ZMAT4: variants seen among roughly 807,000 people sequenced by gnomAD.
ZMAT4 encodes zinc finger matrin-type protein 4.
A neutral mutation model predicts 28.7 loss-of-function variants in ZMAT4; 17 were observed. The ratio of observed to expected loss-of-function variants is 0.59; its 90% CI spans 0.41 to 0.89. ZMAT4 has a LOEUF of 0.89. Among genes scored for constraint, ZMAT4 ranks in the 40% least tolerant of loss-of-function variants. The probability of loss-of-function intolerance (pLI) is 0.00; values close to 1 mark genes in which losing one functional copy is unlikely to be tolerated. For missense variants in ZMAT4, 240 were observed against 283.8 expected, an observed-to-expected ratio of 0.85 and a Z score of 1.11; for synonymous variants, 117 against 109.2, an observed-to-expected ratio of 1.07 and a Z score of -0.44.
intron 2 of ZMAT4, among the ~76,000 whole-genome samples, chr8:40,779,934 G>T (rs1813762772): frequency 6.6e-6 from 1 of 152,148 alleles, no homozygotes; most frequent in South Asian, 2.1e-4. Context: ...CATGAAGGAA[G>T]CCCACTTTTG....
At chr8:40,849,825 G>A (rs916292640) in intron 1 of ZMAT4, among the ~76,000 whole-genome samples, 1 of 152,134 alleles carries the variant, frequency 6.6e-6, no homozygotes. Context: ...CAGTTTATGT[G>A]CCTGGATATC....
At chr8:40,592,241 T>C (rs1804919270) in intron 5 of ZMAT4, among the ~76,000 whole-genome samples, 2 of 152,084 alleles carry the variant, frequency 1.3e-5, no homozygotes, top group African/African-American at 2.4e-5. Context: ...AAGGATAATA[T>C]TAGGAATGGG....
intron 2 of ZMAT4, among the ~76,000 whole-genome samples, chr8:40,775,949 G>A (rs1321970469): frequency 2.6e-5 from 4 of 152,186 alleles, no homozygotes; most frequent in Non-Finnish European, 5.9e-5. Flanking sequence ...GGCCATGTGA[G>A]GATACAGCAA....
intron 2 of ZMAT4, among the ~76,000 whole-genome samples, chr8:40,797,751 A>G (rs1047611274): frequency 1.3e-5 from 2 of 152,198 alleles, no homozygotes; most frequent in African/African-American, 4.8e-5. Flanking sequence ...AAATGTTGCC[A>G]CCAGTAAGCT....
chr8:40,654,746 A>T (rs961408628), intron 5 of ZMAT4, among the ~76,000 whole-genome samples: 1 of 152,184 alleles, frequency 6.6e-6, no homozygotes, highest in Non-Finnish European at 1.5e-5. Context: ...CATTTGACAC[A>T]GCACAACACC....
intron 2 of ZMAT4, among the ~76,000 whole-genome samples, chr8:40,803,418 A>G (rs1181990628): frequency 6.6e-6 from 1 of 152,196 alleles, no homozygotes; most frequent in Non-Finnish European, 1.5e-5. Flanking sequence ...ACCCCACTAA[A>G]AAATGGGCCA....
intron 3 of ZMAT4, among the ~76,000 whole-genome samples, chr8:40,699,344 A>G (rs1355292956): frequency 6.6e-6 from 1 of 152,184 alleles, no homozygotes; most frequent in Non-Finnish European, 1.5e-5. Context: ...GAGGGATACA[A>G]GTGCAGTTTT....
chr8:40,600,769 GA>G (rs1447192955), intron 5 of ZMAT4, among the ~76,000 whole-genome samples: 1 of 152,188 alleles, frequency 6.6e-6, no homozygotes, highest in Non-Finnish European at 1.5e-5. Context: ...TTGTCCAGGA[GA>G]AGCACTCATT....
At chr8:40,676,834 G>A (rs535866492) in intron 4 of ZMAT4, among the ~76,000 whole-genome samples, 1 of 152,094 alleles carries the variant, frequency 6.6e-6, no homozygotes, top group African/African-American at 2.4e-5. Flanking sequence ...TAGAAATAAA[G>A]CTCAAATGTG....
At chr8:40,639,625 AAC>A (rs60100252) in intron 5 of ZMAT4, among the ~76,000 whole-genome samples, 9,996 of 149,890 alleles carry the variant, frequency 0.067, 723 homozygotes, top group East Asian at 0.43. Context: ...AGAAGGCAAG[AAC>A]ACACACACAC....
At chr8:40,757,436 A>G (rs1468673974) in intron 3 of ZMAT4, among the ~76,000 whole-genome samples, 1 of 152,094 alleles carries the variant, frequency 6.6e-6, no homozygotes, top group Non-Finnish European at 1.5e-5. Flanking sequence ...AATACAAAAA[A>G]TTAGCCGGGC....
At chr8:40,541,838 A>T (rs570365951) in intron 6 of ZMAT4, among the ~76,000 whole-genome samples, 1 of 152,198 alleles carries the variant, frequency 6.6e-6, no homozygotes, top group Non-Finnish European at 1.5e-5. Context: ...GGGAAGGGAA[A>T]ATGTCGGACT....
chr8:40,649,032 C>A (rs1807495253), intron 5 of ZMAT4, among the ~76,000 whole-genome samples: 2 of 145,530 alleles, frequency 1.4e-5, no homozygotes, highest in Non-Finnish European at 1.5e-5. Flanking sequence ...AGCAAAATAA[C>A]CAGCTAACAT....
chr8:40,817,482 G>A (rs1815589883), intron 2 of ZMAT4, among the ~76,000 whole-genome samples: 1 of 152,146 alleles, frequency 6.6e-6, no homozygotes, highest in African/African-American at 2.4e-5. Context: ...ATTCTATTCT[G>A]GGAACTTGCC....
intron 2 of ZMAT4, among the ~76,000 whole-genome samples, chr8:40,804,053 A>T (rs539597807): frequency 1.3e-5 from 2 of 152,348 alleles, no homozygotes; most frequent in Admixed American, 1.3e-4. Flanking sequence ...CACAGTAAAA[A>T]GATCAGTGGT....
intron 5 of ZMAT4, among the ~76,000 whole-genome samples, chr8:40,590,390 G>A (rs1444171233): frequency 2.0e-5 from 3 of 151,278 alleles, no homozygotes; most frequent in African/African-American, 7.3e-5. Context: ...TGCTTGTGTG[G>A]GTCCCTAGCA....
chr8:40,728,126 G>A (rs1456786941), intron 3 of ZMAT4, among the ~76,000 whole-genome samples: 1 of 151,912 alleles, frequency 6.6e-6, no homozygotes, highest in Non-Finnish European at 1.5e-5. Flanking sequence ...AAACAAGAAG[G>A]GAAACACACG....
chr8:40,672,030 A>T (rs145135578), intron 5 of ZMAT4, among the ~76,000 whole-genome samples: 1 of 152,220 alleles, frequency 6.6e-6, no homozygotes, highest in Admixed American at 6.5e-5. Flanking sequence ...ATAAATGAGC[A>T]AACCAGACAT....
At chr8:40,750,416 G>A (rs1184459967) in intron 3 of ZMAT4, among the ~76,000 whole-genome samples, 1 of 152,102 alleles carries the variant, frequency 6.6e-6, no homozygotes, top group African/African-American at 2.4e-5. Context: ...CCATATGAGA[G>A]TGAAGACTCA....
Sources: gnomAD v4.1 joint callset for allele counts (sites outside exome capture counted in the v4.1 genomes callset) on GRCh38, gnomAD v4.1.1 for gene constraint, MANE v1.5 for transcripts, NCBI Gene and HGNC (gene_info 2026-07-23, HGNC 2026-07-21) for gene names.